Variants in KDM7A observed in about 807,000 individuals in gnomAD.
The protein encoded by KDM7A is lysine-specific demethylase 7A.
In KDM7A, 28 loss-of-function variants were observed where a neutral mutation model predicts 114.8. The ratio of observed to expected loss-of-function variants is 0.24; its 90% CI spans 0.18 to 0.33. KDM7A has a LOEUF of 0.33. Among genes scored for constraint, KDM7A ranks in the 10% least tolerant of loss-of-function variants. The pLI is 1.00. For synonymous variants in KDM7A, 423 were observed against 397.8 expected (o/e 1.06, Z -0.75); for missense variants, 942 against 1,142.5 (o/e 0.82, Z 2.53).
chr7:140,115,826 AAAAAT>A (rs1463531485), intron 9 of KDM7A, among the ~76,000 whole-genome samples: 5 of 147,142 alleles, frequency 3.4e-5, no homozygotes, highest in African/African-American at 1.1e-4. Flanking sequence ...ATAAATAAAA[AAAAAT>A]AAAACATTAA....
Position 140,176,826 on chromosome 7 carries a change from C to G in KDM7A, c.112G>C (p.Val38Leu). Residue 38 changes from valine (V) to leucine (L), a missense_variant, in exon 1 of 20, where the codon GTG becomes CTG. This residue lies in a region of KDM7A where 112 missense variants were observed against 96.2 expected (regional missense o/e 1.16). Transcript: ENST00000397560. The surrounding 1 kb of genome is among the most constrained non-coding windows in gnomAD (Gnocchi z 4.4). Reference sequence around the variant, plus strand: ...TACGGCTGCCGGCACACACAGTACACGGGCGGGGGCGGCGGAGGCGCCGAG... The same window carrying G: ...TACGGCTGCCGGCACACACAGTACAGGGGCGGGGGCGGCGGAGGCGCCGAG... ...RASAPPPPPP[V>L]YCVCRQPYDV... The G allele has an allele frequency of 7.4e-7, 1 of 1,342,498 alleles. No homozygotes were observed. 83.2% of individuals were successfully genotyped at this position (1,342,498 alleles called of 1,614,324 possible). A position where few individuals can be genotyped will look rare whatever the true frequency, so the allele number is the denominator to read the frequency against.
chr7:140,172,146 T>C (rs914455880), intron 1 of KDM7A, among the ~76,000 whole-genome samples: 5 of 152,182 alleles, frequency 3.3e-5, no homozygotes, highest in Admixed American at 2.6e-4. Context: ...GGAGGACAGT[T>C]TGGCAATAGG....
At chr7:140,164,435 T>C (rs1171035885) in intron 1 of KDM7A, among the ~76,000 whole-genome samples, 2 of 152,188 alleles carry the variant, frequency 1.3e-5, no homozygotes, top group African/African-American at 4.8e-5. Flanking sequence ...GCAACCACTC[T>C]GCCACTCCCA....
chr7:140,172,309 CAAT>C (rs1794654207), intron 1 of KDM7A, among the ~76,000 whole-genome samples: 1 of 152,096 alleles, frequency 6.6e-6, no homozygotes, highest in Non-Finnish European at 1.5e-5. Flanking sequence ...TAAATAACCA[CAAT>C]AATTTGTTTA....
rs1449901065 is a variant in KDM7A at position 140,100,716 on chromosome 7, A to G, written c.1639-693T>C. On this transcript the variant is annotated intron_variant, in intron 12 of 19. Transcript: ENST00000397560. ...TATATATATATATATATACACATATATATATATATATATATATATATATAT... is the reference window on the plus strand; with the variant it reads ...TATATATATATATATATACACATATGTATATATATATATATATATATATAT... 2.9e-3 allele frequency among the ~76,000 whole-genome samples: 107 copies of G among 36,654 alleles called. 3 individuals carry two copies. Among genetic ancestry groups the G allele is most frequent in the African/African-American group, 7.7e-3 (93 of 12,046 alleles). The allele number at this position is 36,654 out of a possible 152,430, so 24.0% of individuals were successfully genotyped here.
At chr7:140,099,103 C>A in intron 13 of KDM7A, 70 bp from the exon 14 acceptor site, 1 of 1,159,928 alleles carries the variant, frequency 8.6e-7, no homozygotes. Flanking sequence ...TTATTCCCCT[C>A]TCCCTTAATT....
intron 11 of KDM7A, 35 bp from the exon 12 acceptor site, chr7:140,102,195 AG>A: frequency 2.1e-6 from 3 of 1,443,756 alleles, no homozygotes; most frequent in Non-Finnish European, 2.9e-6. Context: ...TTTTATAAGA[AG>A]GCTGTTACAC....
chr7:140,109,662 A>T (rs1818400685), intron 11 of KDM7A, among the ~76,000 whole-genome samples: 1 of 152,220 alleles, frequency 6.6e-6, no homozygotes, highest in South Asian at 2.1e-4. Context: ...ACAAAATGAT[A>T]TGTTTATACT....
At position 140,133,666 on chromosome 7, in the gene KDM7A, T is replaced by C; in HGVS notation, c.281-10A>G. ...TTCCTCCTTTTTTTCACTGGATTTTTAAAAGATTAAAAAAAAATGATTTTG... is the reference window on the plus strand; with the variant it reads ...TTCCTCCTTTTTTTCACTGGATTTTCAAAAGATTAAAAAAAAATGATTTTG... On this transcript the variant is annotated splice_polypyrimidine_tract_variant and intron_variant, in intron 2 of 19. Transcript: ENST00000397560. 6.9e-7 allele frequency: 1 copy of C among 1,449,006 alleles called. No individual in the cohort carries two copies. Among genetic ancestry groups the C allele is most frequent in the South Asian group, 1.2e-5 (1 of 85,446 alleles). The allele number at this position is 1,449,006 out of a possible 1,614,324, so 89.8% of individuals were successfully genotyped here.
chr7:140,168,875 C>CA (rs1306022404), intron 1 of KDM7A, among the ~76,000 whole-genome samples: 2 of 151,792 alleles, frequency 1.3e-5, no homozygotes, highest in Admixed American at 6.6e-5. Context: ...CACTGTTGTA[C>CA]AAAAAAAGTT....
chr7:140,102,559 G>C (rs1818249564), intron 11 of KDM7A, among the ~76,000 whole-genome samples: 1 of 152,118 alleles, frequency 6.6e-6, no homozygotes, highest in African/African-American at 2.4e-5. Context: ...ATGTTTTAGA[G>C]ACAAGTATTT....
In KDM7A at chr7:140,086,706, C is replaced by G. The variant is rs1817929647; in HGVS notation, c.*4388G>C. ...GGGGCTGTTTTAGGAAGCAAAGTATCAGAGGCCCCAGATCCACTGTGTCTC... is the reference window on the plus strand; with the variant it reads ...GGGGCTGTTTTAGGAAGCAAAGTATGAGAGGCCCCAGATCCACTGTGTCTC... On this transcript the variant is annotated 3_prime_UTR_variant, in exon 20 of 20. Coordinates refer to ENST00000397560, the MANE Select transcript of KDM7A (RefSeq NM_030647.2). 1 of 152,086 alleles carries G rather than the reference C, an allele frequency of 6.6e-6. No individual in the cohort carries two copies. Among genetic ancestry groups the G allele is most frequent in the African/African-American group, 2.4e-5 (1 of 41,398 alleles). 9.4% of individuals were successfully genotyped at this position (152,086 alleles called of 1,614,324 possible).
At chr7:140,123,730 T>C (rs1182636714) in intron 7 of KDM7A, among the ~76,000 whole-genome samples, 2 of 152,164 alleles carry the variant, frequency 1.3e-5, no homozygotes, top group African/African-American at 2.4e-5. Context: ...CAATGGAACA[T>C]TACTGGGCCA....
In KDM7A at chr7:140,176,069, C is replaced by T. The variant is rs558499077; in HGVS notation, c.194+675G>A. Among the ~76,000 whole-genome samples the T allele has an allele frequency of 1.5e-4, 23 of 152,060 alleles. No homozygotes were observed. Among genetic ancestry groups the T allele is most frequent in the Non-Finnish European group, 3.1e-4 (21 of 67,916 alleles). ...GGCCCGGCCCCAACTTCCCCGGCAC[C>T]TTTCAAGTCCCCGAGAGCGAGTGCC... On this transcript the variant is annotated intron_variant, in intron 1 of 19. Coordinates refer to ENST00000397560, the MANE Select transcript of KDM7A (RefSeq NM_030647.2). This position sits in a 1 kb window ranked among gnomAD's most constrained non-coding sequence, Gnocchi z 4.4.
chr7:140,096,666 G>T lies in KDM7A; in HGVS notation c.2263C>A (p.Gln755Lys), dbSNP rs770296910. Residue 755 changes from glutamine (Q) to lysine (K), a missense_variant, in exon 17 of 20, where the codon CAA becomes AAA. By Grantham distance (53) the Gln-to-Lys change is moderately conservative. Transcript: ENST00000397560. ...HYSTCLQRQI[Q>K]STDCSGERNS... Reference sequence around the variant, plus strand: ...CTTTCACCACTGCAGTCTGTGCTTTGTATTTGCCTTTGTAAACACGTGGAA... The same window carrying T: ...CTTTCACCACTGCAGTCTGTGCTTTTTATTTGCCTTTGTAAACACGTGGAA... The T allele has an allele frequency of 1.8e-5, 29 of 1,613,976 alleles. No individual in the cohort carries two copies. Among genetic ancestry groups the T allele is most frequent in the Admixed American group, 1.3e-4 (8 of 59,998 alleles).
rs1380164371 is a variant in KDM7A at position 140,091,891 on chromosome 7, C to T, written c.2644G>A (p.Val882Ile). The T allele has an allele frequency of 1.9e-6, 3 of 1,614,066 alleles. No individual in the cohort carries two copies. The Admixed American group carries it at 5.0e-5, about 27-fold the overall frequency. ...SNGSLSPERP[V>I]GETSFSVPLH... ...GGCACCGAGAAGGAAGTTTCACCAA[C>T]TGGCCTTTCTGGGCTTAGACTGCCA... Residue 882 changes from valine (V) to isoleucine (I), a missense_variant, in exon 19 of 20, where the codon GTT becomes ATT. Val to Ile is a conservative substitution (Grantham distance 29, BLOSUM62 3). Transcript: ENST00000397560.
At chr7:140,150,913 C>G (rs1794392957) in intron 1 of KDM7A, among the ~76,000 whole-genome samples, 1 of 150,684 alleles carries the variant, frequency 6.6e-6, no homozygotes, top group Non-Finnish European at 1.5e-5. Flanking sequence ...AATGCAACCT[C>G]CGCCTCCCAG....
At chr7:140,112,914 G>A (rs1421114672) in intron 10 of KDM7A, among the ~76,000 whole-genome samples, 2 of 152,230 alleles carry the variant, frequency 1.3e-5, no homozygotes, top group Non-Finnish European at 2.9e-5. Context: ...ATATTTTCAT[G>A]AAAATGGAAA....
chr7:140,115,774 A>G (rs1438808919), intron 9 of KDM7A, among the ~76,000 whole-genome samples: 1 of 151,330 alleles, frequency 6.6e-6, no homozygotes, highest in Non-Finnish European at 1.5e-5. Flanking sequence ...TGTGAGAAAC[A>G]CCCAAGAATT....
Sources: gnomAD v4.1 joint callset for allele counts (sites outside exome capture counted in the v4.1 genomes callset) on GRCh38, gnomAD v4.1.1 for gene constraint, gnomAD v4.1.1 regional missense constraint, Gnocchi (gnomAD v3.1) non-coding constraint, MANE v1.5 for transcripts, NCBI Gene and HGNC (gene_info 2026-07-23, HGNC 2026-07-21) for gene names.